ZNF474: variants seen among roughly 807,000 people sequenced by gnomAD.
ZNF474 encodes the protein zinc finger protein 474.
For missense variants in ZNF474, 511 were observed against 433.8 expected, an observed-to-expected ratio of 1.18 and a Z score of -1.58; for synonymous variants, 192 against 162.2, an observed-to-expected ratio of 1.18 and a Z score of -1.39.
At chr5:122,132,208 T>A (rs1025889139) in intron 1 of ZNF474, among the ~76,000 whole-genome samples, 2 of 152,154 alleles carry the variant, frequency 1.3e-5, no homozygotes, top group Admixed American at 1.3e-4. Flanking sequence ...ATGAATATGC[T>A]ATAATTTTGT....
chr5:122,146,427 T>C (rs1439656018), intron 1 of ZNF474, among the ~76,000 whole-genome samples: 2 of 152,186 alleles, frequency 1.3e-5, no homozygotes, highest in African/African-American at 2.4e-5. Flanking sequence ...ATAAGAACCA[T>C]TGATCCAGTA....
intron 1 of ZNF474, among the ~76,000 whole-genome samples, chr5:122,130,451 A>G (rs2152602335): frequency 6.6e-6 from 1 of 152,328 alleles, no homozygotes; most frequent in East Asian, 1.9e-4. Flanking sequence ...TTATATTGTC[A>G]GACTGACGTC....
At chr5:122,141,149 TA>T (rs869225306) in intron 1 of ZNF474, among the ~76,000 whole-genome samples, 10,346 of 55,102 alleles carry the variant, frequency 0.19, 1,032 homozygotes, top group Admixed American at 0.3. Flanking sequence ...TATTTTATTT[TA>T]TTTTATTTTA....
chr5:122,142,666 A>T (rs1755878079), intron 1 of ZNF474, among the ~76,000 whole-genome samples: 1 of 152,180 alleles, frequency 6.6e-6, no homozygotes, highest in African/African-American at 2.4e-5. Context: ...ATTCTGAATC[A>T]TCAGTGAGCT....
rs1312590852 is a variant in ZNF474 at position 122,152,610 on chromosome 5, G to A, written c.620G>A (p.Gly207Asp). 1.2e-6 allele frequency: 2 copies of A among 1,614,056 alleles called. No homozygotes were observed. The highest frequency in any genetic ancestry group is 1.7e-5 in the Admixed American group (1 of 59,992). Reference protein sequence around the residue: ...PHSNSSDHLTGLKKACSGTPA... With the variant: ...PHSNSSDHLTDLKKACSGTPA... ...TCAAACAGTTCTGATCATCTTACTGGCCTCAAGAAAGCTTGTAGTGGAACC... is the reference window on the plus strand; with the variant it reads ...TCAAACAGTTCTGATCATCTTACTGACCTCAAGAAAGCTTGTAGTGGAACC... The change falls in exon 2 of 2, where the codon GGC (glycine) becomes GAC (aspartate). Residue 207 changes from glycine to aspartate, a missense_variant. Physicochemically the swap from Gly to Asp is moderately conservative, Grantham distance 94 (BLOSUM62 -1). Transcript: ENST00000296600.
chr5:122,133,595 T>C (rs1341547314), intron 1 of ZNF474, among the ~76,000 whole-genome samples: 1 of 152,214 alleles, frequency 6.6e-6, no homozygotes, highest in Non-Finnish European at 1.5e-5. Flanking sequence ...GGTCTTGCTC[T>C]GTCACCCAGA....
At chr5:122,135,853 A>G (rs1227345510) in intron 1 of ZNF474, among the ~76,000 whole-genome samples, 1 of 152,174 alleles carries the variant, frequency 6.6e-6, no homozygotes, top group African/African-American at 2.4e-5. Flanking sequence ...CATGGATGGA[A>G]CTAGAGGACA....
chr5:122,142,038 T>C (rs1755860242), intron 1 of ZNF474, among the ~76,000 whole-genome samples: 1 of 152,200 alleles, frequency 6.6e-6, no homozygotes, highest in Admixed American at 6.5e-5. Flanking sequence ...TGAGCTGGAA[T>C]TGTTGGCATC....
chr5:122,152,288 T>G lies in ZNF474; in HGVS notation c.298T>G (p.Cys100Gly). 6.2e-7 allele frequency: 1 copy of G among 1,614,228 alleles called. No homozygotes were observed. The highest frequency in any genetic ancestry group is 2.2e-5 in the East Asian group (1 of 44,874). ...RRPGFRVCYI[C>G]GREFGSQSIA... The stretch of plus-strand genomic sequence containing the variant: ...GCCTGGATTCCGGGTATGCTATATC[T>G]GTGGCCGAGAATTTGGGTCCCAGTC... The change falls in exon 2 of 2, where the codon TGT (cysteine) becomes GGT (glycine). Residue 100 changes from cysteine to glycine, a missense_variant. Physicochemically the swap from Cys to Gly is radical, Grantham distance 159 (BLOSUM62 -3). Coordinates refer to ENST00000296600, the MANE Select transcript of ZNF474 (RefSeq NM_207317.3).
At chr5:122,130,948 A>T (rs914988076) in intron 1 of ZNF474, among the ~76,000 whole-genome samples, 2 of 152,106 alleles carry the variant, frequency 1.3e-5, no homozygotes, top group African/African-American at 4.8e-5. Flanking sequence ...GGTTTCTAGC[A>T]TTTACTCATC....
chr5:122,130,275 A>C (rs919096209), intron 1 of ZNF474, among the ~76,000 whole-genome samples: 1 of 152,198 alleles, frequency 6.6e-6, no homozygotes, highest in South Asian at 2.1e-4. Context: ...CAACCATGTC[A>C]TGGTCACCTC....
intron 1 of ZNF474, among the ~76,000 whole-genome samples, chr5:122,139,784 C>T (rs188175095): frequency 6.6e-6 from 1 of 152,310 alleles, no homozygotes. Context: ...CATGACATCA[C>T]ATCTGCACGT....
At position 122,153,241 on chromosome 5, in the gene ZNF474, T is replaced by A. The variant is rs576163227; in HGVS notation, c.*156T>A. 7 of 876,196 alleles carry A rather than the reference T, an allele frequency of 8.0e-6. No homozygotes were observed. The highest frequency in any genetic ancestry group is 1.2e-5 in the Non-Finnish European group (7 of 588,838). The allele number at this position is 876,196 out of a possible 1,614,324, so 54.3% of individuals were successfully genotyped here. On this transcript the variant is annotated 3_prime_UTR_variant, in exon 2 of 2. Coordinates refer to ENST00000296600, the MANE Select transcript of ZNF474 (RefSeq NM_207317.3). ...TCTTGGCTGAATAGATATAAGAACA[T>A]CCTTGCCTGATGGGTTCATATTCCT...
chr5:122,136,107 A>G (rs1311015200), intron 1 of ZNF474, among the ~76,000 whole-genome samples: 1 of 152,108 alleles, frequency 6.6e-6, no homozygotes, highest in African/African-American at 2.4e-5. Context: ...AAAATAAGCT[A>G]CTGTAAGTAT....
Position 122,152,864 on chromosome 5 carries a change from C to T in ZNF474, c.874C>T (p.Arg292Ter), listed in dbSNP as rs760797769. 1.1e-5 allele frequency: 18 copies of T among 1,613,924 alleles called. No homozygotes were observed. Among genetic ancestry groups the T allele is most frequent in the South Asian group, 5.5e-5 (5 of 91,074 alleles). ...AQLVFCPHCS[R>*]IFTSDRLLVH... is the part of the protein sequence containing the mutation. ...GCTTGTGTTCTGCCCACATTGTAGCCGAATCTTTACCTCAGACCGCCTCCT... is the reference window on the plus strand; with the variant it reads ...GCTTGTGTTCTGCCCACATTGTAGCTGAATCTTTACCTCAGACCGCCTCCT... The change falls in exon 2 of 2, where the codon CGA (arginine) becomes TGA (stop). Residue 292 changes from arginine to a stop codon, truncating the protein, a stop_gained. Coordinates refer to ENST00000296600, the MANE Select transcript of ZNF474 (RefSeq NM_207317.3). LOFTEE classifies it low-confidence loss of function (END_TRUNC).
At chr5:122,133,256 T>A (rs184258516) in intron 1 of ZNF474, among the ~76,000 whole-genome samples, 1 of 152,352 alleles carries the variant, frequency 6.6e-6, no homozygotes, top group African/African-American at 2.4e-5. Flanking sequence ...AGGAGGAGAA[T>A]ATTTATTTGT....
In ZNF474 at chr5:122,153,211, A is replaced by G; in HGVS notation, c.*126A>G. 1 of 1,223,006 alleles carries G rather than the reference A, an allele frequency of 8.2e-7. No individual in the cohort carries two copies. Among genetic ancestry groups the G allele is most frequent in the East Asian group, 2.5e-5 (1 of 40,132 alleles). The allele number at this position is 1,223,006 out of a possible 1,614,324, so 75.8% of individuals were successfully genotyped here. A position where few individuals can be genotyped will look rare whatever the true frequency, so the allele number is the denominator to read the frequency against. On this transcript the variant is annotated 3_prime_UTR_variant, in exon 2 of 2. Transcript: ENST00000296600. ...CTCCCTGTTGAACTCCAGGGCCTAT[A>G]CCTCTCTTGGCTGAATAGATATAAG...
rs1223554893 is a variant in ZNF474, at chr5:122,152,072, A to C, written c.82A>C (p.Asn28His). ...TTCTAAAGAACCCACTTTCCTTATC[A>C]ACCAAGCTGGGCTTCTCTCTAGTGA... is the stretch of plus-strand genomic sequence containing the variant. ...HHSKEPTFLI[N>H]QAGLLSSDSY... The change falls in exon 2 of 2, where the codon AAC becomes CAC. Residue 28 changes from asparagine to histidine, a missense_variant. By Grantham distance (68) the Asn-to-His change is moderately conservative. Coordinates refer to ENST00000296600, the MANE Select transcript of ZNF474 (RefSeq NM_207317.3). 6.2e-7 allele frequency: 1 copy of C among 1,614,192 alleles called. No homozygotes were observed. The highest frequency in any genetic ancestry group is 1.7e-5 in the Admixed American group (1 of 60,022).
chr5:122,151,486 T>C (rs564803173), intron 1 of ZNF474, among the ~76,000 whole-genome samples: 71 of 152,304 alleles, frequency 4.7e-4, no homozygotes, highest in Middle Eastern at 6.8e-3. Context: ...TTGCGTCTTC[T>C]GTATCTATGA....
Sources: allele counts gnomAD v4.1 joint callset (sites outside exome capture counted in the v4.1 genomes callset), GRCh38; gene constraint gnomAD v4.1.1; transcripts MANE v1.5; gene names NCBI Gene and HGNC (gene_info 2026-07-23, HGNC 2026-07-21).